RIMS2: variants seen among roughly 807,000 people sequenced by gnomAD.
RIMS2 encodes regulating synaptic membrane exocytosis 2.
Under a neutral mutation model 174.4 loss-of-function variants are expected in RIMS2, and 59 were observed. The ratio of observed to expected loss-of-function variants is 0.34; its 90% CI spans 0.27 to 0.42. RIMS2 has a LOEUF of 0.42. RIMS2 is among the 10% of genes least tolerant of loss of function. RIMS2 has a pLI of 1.00. For missense variants in RIMS2, 1,620 were observed against 1,666.3 expected (o/e 0.97, Z 0.48); for synonymous variants, 606 against 572.5 (o/e 1.06, Z -0.84).
intron 19 of RIMS2, among the ~76,000 whole-genome samples, chr8:104,124,391 A>T (rs2098411477): frequency 6.6e-6 from 1 of 152,166 alleles, no homozygotes; most frequent in Admixed American, 6.5e-5. Context: ...TGAGATTAAA[A>T]ATATATCACT....
At chr8:104,223,942 A>G in intron 19 of RIMS2, 1 of 645,114 alleles carries the variant, frequency 1.6e-6, no homozygotes, top group Non-Finnish European at 2.6e-6. Context: ...GCCCTAGAGC[A>G]CGTCAGCTGA....
At chr8:103,999,137 G>A (rs2095273789) in intron 17 of RIMS2, among the ~76,000 whole-genome samples, 1 of 151,666 alleles carries the variant, frequency 6.6e-6, no homozygotes. Context: ...CTTGACTGTT[G>A]TTTCTAAGTG....
At chr8:103,605,779 T>C (rs2095041804) in intron 1 of RIMS2, among the ~76,000 whole-genome samples, 1 of 152,132 alleles carries the variant, frequency 6.6e-6, no homozygotes, top group Admixed American at 6.5e-5. Flanking sequence ...TTTTCTAGTT[T>C]ATTTGCATAG....
chr8:103,737,997 G>A (rs1051230840), intron 2 of RIMS2, among the ~76,000 whole-genome samples: 3 of 152,154 alleles, frequency 2.0e-5, no homozygotes, highest in East Asian at 3.9e-4. Context: ...TCCACTAGAC[G>A]ATAAGTTCCA....
chr8:103,864,080 TGTGTTTTTA>T (rs1460834199), intron 3 of RIMS2, among the ~76,000 whole-genome samples: 2 of 152,070 alleles, frequency 1.3e-5, no homozygotes, highest in African/African-American at 4.8e-5. Flanking sequence ...GGCTAATTTT[TGTGTTTTTA>T]GTAAGGATGG....
chr8:103,572,102 C>A (rs2092857410), intron 1 of RIMS2, among the ~76,000 whole-genome samples: 1 of 152,076 alleles, frequency 6.6e-6, no homozygotes, highest in Non-Finnish European at 1.5e-5. Context: ...TTCCGATGTT[C>A]AGAAGTGTCT....
At chr8:103,567,575 A>T (rs2092465233) in intron 1 of RIMS2, among the ~76,000 whole-genome samples, 1 of 152,218 alleles carries the variant, frequency 6.6e-6, no homozygotes, top group African/African-American at 2.4e-5. Flanking sequence ...AATGTCCATC[A>T]GGTGATTTGT....
chr8:103,991,914 G>A (rs143753979), intron 17 of RIMS2, among the ~76,000 whole-genome samples: 13 of 152,180 alleles, frequency 8.5e-5, no homozygotes, highest in East Asian at 1.9e-4. Flanking sequence ...TAAATGACTC[G>A]TATCAACTTT....
intron 19 of RIMS2, among the ~76,000 whole-genome samples, chr8:104,078,012 C>G (rs1056840920): frequency 2.6e-5 from 4 of 151,836 alleles, no homozygotes; most frequent in Non-Finnish European, 4.4e-5. Flanking sequence ...GGTGTGGTGG[C>G]TGGTGCCTGT....
intron 19 of RIMS2, among the ~76,000 whole-genome samples, chr8:104,126,619 G>T (rs1315685276): frequency 6.6e-6 from 1 of 152,144 alleles, no homozygotes; most frequent in East Asian, 1.9e-4. Flanking sequence ...CTAACTTAAA[G>T]AACGTTAGAA....
At chr8:103,712,936 C>T (rs2097324813) in intron 2 of RIMS2, among the ~76,000 whole-genome samples, 1 of 151,788 alleles carries the variant, frequency 6.6e-6, no homozygotes. Flanking sequence ...AGTAATAATC[C>T]TTATTTTTAA....
At chr8:103,681,692 T>C (rs2096882470) in intron 1 of RIMS2, among the ~76,000 whole-genome samples, 1 of 152,070 alleles carries the variant, frequency 6.6e-6, no homozygotes, top group African/African-American at 2.4e-5. Context: ...TAAAGATGTG[T>C]ATAGTATATC....
chr8:104,113,040 C>A (rs534774849), intron 19 of RIMS2, among the ~76,000 whole-genome samples: 1 of 152,162 alleles, frequency 6.6e-6, no homozygotes, highest in East Asian at 1.9e-4. Flanking sequence ...ATGGTTCATT[C>A]TTAAAATTGT....
At chr8:103,886,311 G>A (rs1355700865) in intron 4 of RIMS2, 88 bp downstream of exon 7, 3 of 1,049,560 alleles carry the variant, frequency 2.9e-6, no homozygotes, top group Admixed American at 2.7e-5. Flanking sequence ...AATTTAATAG[G>A]TATTACTAGT....
At chr8:103,885,971 C>T in exon 4 of RIMS2, 2 of 1,613,052 alleles carry the variant, frequency 1.2e-6, no homozygotes, top group Non-Finnish European at 1.7e-6. Context: ...ACGGAAACAG[C>T]ACCACTTAGA....
At chr8:104,058,545 T>G (rs1418492634) in intron 19 of RIMS2, among the ~76,000 whole-genome samples, 1 of 150,132 alleles carries the variant, frequency 6.7e-6, no homozygotes, top group Non-Finnish European at 1.5e-5. Flanking sequence ...GGTAGTTTCT[T>G]TTGCTGTGCA....
intron 15 of RIMS2, among the ~76,000 whole-genome samples, chr8:103,962,309 T>C (rs891926811): frequency 6.6e-6 from 1 of 152,194 alleles, no homozygotes; most frequent in African/African-American, 2.4e-5. Context: ...AAAAGTTGTA[T>C]ATTTTTTCAT....
chr8:103,866,625 C>A (rs529958100), intron 3 of RIMS2, among the ~76,000 whole-genome samples: 1 of 152,218 alleles, frequency 6.6e-6, no homozygotes, highest in South Asian at 2.1e-4. Flanking sequence ...GATCCATCAT[C>A]TGTCAAAGAT....
intron 12 of RIMS2, among the ~76,000 whole-genome samples, chr8:103,933,334 C>CACAA (rs1213415308): frequency 2.4e-5 from 3 of 124,460 alleles, no homozygotes; most frequent in Admixed American, 2.3e-4. Flanking sequence ...CACACACACA[C>CACAA]AATTAGCCAG....
Sources: allele counts gnomAD v4.1 joint callset (sites outside exome capture counted in the v4.1 genomes callset), GRCh38; gene constraint gnomAD v4.1.1; transcripts MANE v1.5; gene names NCBI Gene and HGNC (gene_info 2026-07-23, HGNC 2026-07-21).